The following DPY19L4 variants were observed in gnomAD, a reference collection of about 807,000 sequenced individuals.
The protein encoded by DPY19L4 is dpy-19 like 4.
In DPY19L4, 97 loss-of-function variants were observed where a neutral mutation model predicts 102.8. The observed-to-expected ratio is 0.94, with a 90% CI of 0.80 to 1.12. The LOEUF (loss-of-function observed/expected upper bound fraction) is 1.12, where lower values mean the gene tolerates loss of function less well. Among genes scored for constraint, DPY19L4 ranks in the 50% most tolerant of loss-of-function variants. The pLI is 0.00. For synonymous variants in DPY19L4, 252 were observed against 283.1 expected, an observed-to-expected ratio of 0.89 and a Z score of 1.10; for missense variants, 815 against 850.4, an observed-to-expected ratio of 0.96 and a Z score of 0.52.
intron 13 of DPY19L4, among the ~76,000 whole-genome samples, chr8:94,776,336 T>C (rs1281362094): frequency 1.3e-5 from 2 of 151,802 alleles, no homozygotes; most frequent in Non-Finnish European, 2.9e-5. Context: ...CATGGCCAGA[T>C]TTTTGTATTT....
At chr8:94,771,345 C>T (rs1349463237) in intron 13 of DPY19L4, among the ~76,000 whole-genome samples, 1 of 152,164 alleles carries the variant, frequency 6.6e-6, no homozygotes, top group African/African-American at 2.4e-5. Context: ...TTATAATGAA[C>T]TGACATTTAC....
intron 12 of DPY19L4, 82 bp downstream of exon 12, chr8:94,768,635 G>T (rs566983491): frequency 5.8e-6 from 5 of 857,006 alleles, no homozygotes; most frequent in Non-Finnish European, 8.1e-6. Context: ...ATTCTTCCAA[G>T]ATTTCTGTAT....
chr8:94,724,944 A>G (rs1371011066), intron 1 of DPY19L4, among the ~76,000 whole-genome samples: 1 of 152,196 alleles, frequency 6.6e-6, no homozygotes, highest in African/African-American at 2.4e-5. Flanking sequence ...TGACTACAGA[A>G]TAAATGGTAG....
chr8:94,747,982 G>A (rs189360691), intron 6 of DPY19L4, among the ~76,000 whole-genome samples: 1,594 of 152,274 alleles, frequency 0.01, 16 homozygotes, highest in Non-Finnish European at 0.018. Flanking sequence ...TTACTGTTTT[G>A]AACTGTTAGT....
intron 2 of DPY19L4, among the ~76,000 whole-genome samples, chr8:94,731,783 G>C (rs936499576): frequency 2.0e-5 from 3 of 151,556 alleles, no homozygotes; most frequent in Non-Finnish European, 4.4e-5. Context: ...ACGGAGTCTC[G>C]CTCTGTTGCC....
rs114440655 is a variant in DPY19L4, at chr8:94,766,067, T to A, written c.1101+258T>A. ...TACCCAGTTAACATTAAGCAATATA[T>A]GGAATAAAGTGAGACAAATGAAAAG... is the stretch of plus-strand genomic sequence containing the variant. On this transcript the variant is annotated intron_variant, in intron 10 of 18. Coordinates refer to ENST00000414645, the MANE Select transcript of DPY19L4 (RefSeq NM_181787.3). Among the ~76,000 whole-genome samples, 1,134 of 152,312 alleles carry A rather than the reference T, an allele frequency of 7.4e-3. 6 individuals carry two copies. Among genetic ancestry groups the A allele is most frequent in the African/African-American group, 0.022 (896 of 41,570 alleles).
At chr8:94,782,991 TG>T (rs1468484275) in intron 16 of DPY19L4, among the ~76,000 whole-genome samples, 2 of 152,240 alleles carry the variant, frequency 1.3e-5, no homozygotes, top group Admixed American at 6.5e-5. Flanking sequence ...TTGAGGACAG[TG>T]GCCATATATG....
rs1173708483 is a variant in DPY19L4 at position 94,792,707 on chromosome 8, T to C, written c.*2797T>C. Reference sequence around the variant, plus strand: ...CCGTCTCTACTGAAAATACAAAAAATTAGCCGGGCAGGGTGGCGGGCGCCT... The same window carrying C: ...CCGTCTCTACTGAAAATACAAAAAACTAGCCGGGCAGGGTGGCGGGCGCCT... On this transcript the variant is annotated 3_prime_UTR_variant, in exon 19 of 19. Coordinates refer to ENST00000414645, the MANE Select transcript of DPY19L4 (RefSeq NM_181787.3). The C allele has an allele frequency of 6.6e-6, 1 of 152,176 alleles. No individual in the cohort carries two copies. Among genetic ancestry groups the C allele is most frequent in the Non-Finnish European group, 1.5e-5 (1 of 68,180 alleles). The allele number at this position is 152,176 out of a possible 1,614,324, so 9.4% of individuals were successfully genotyped here.
At chr8:94,723,475 A>G (rs76166642) in intron 1 of DPY19L4, among the ~76,000 whole-genome samples, 1 of 148,388 alleles carries the variant, frequency 6.7e-6, no homozygotes, top group Admixed American at 6.8e-5. Flanking sequence ...CTCCGTCTCA[A>G]AAAAAAAAAA....
intron 17 of DPY19L4, among the ~76,000 whole-genome samples, chr8:94,785,367 C>T (rs1813610227): frequency 6.6e-6 from 1 of 152,142 alleles, no homozygotes; most frequent in Non-Finnish European, 1.5e-5. Flanking sequence ...TCGAACAATT[C>T]CGCCTACAAA....
At chr8:94,760,325 TG>T (rs1223748511) in intron 7 of DPY19L4, among the ~76,000 whole-genome samples, 1 of 152,308 alleles carries the variant, frequency 6.6e-6, no homozygotes, top group East Asian at 1.9e-4. Flanking sequence ...CTGATTTCTC[TG>T]GGGATGATGG....
At position 94,793,046 on chromosome 8, in the gene DPY19L4, G is replaced by C. The variant is rs1436270746; in HGVS notation, c.*3136G>C. 2 of 152,184 alleles carry C rather than the reference G, an allele frequency of 1.3e-5. No homozygotes were observed. Among genetic ancestry groups the C allele is most frequent in the Non-Finnish European group, 2.9e-5 (2 of 68,044 alleles). 9.4% of individuals were successfully genotyped at this position (152,184 alleles called of 1,614,324 possible). ...TTTCTGTTAGACTGGTAGAGTTTAA[G>C]AACCTAAGGAGTATGCATTGTACTT... On this transcript the variant is annotated 3_prime_UTR_variant, in exon 19 of 19. Transcript: ENST00000414645.
chr8:94,763,435 G>A (rs993009185), intron 8 of DPY19L4, among the ~76,000 whole-genome samples: 4 of 151,380 alleles, frequency 2.6e-5, no homozygotes, highest in Non-Finnish European at 5.9e-5. Flanking sequence ...CCGCCTCCCA[G>A]GCTCAAGCAA....
At chr8:94,754,875 G>A (rs1586364088) in intron 6 of DPY19L4, among the ~76,000 whole-genome samples, 1 of 152,116 alleles carries the variant, frequency 6.6e-6, no homozygotes, top group South Asian at 2.1e-4. Context: ...TGCAACCTCC[G>A]CCTCCCAGGT....
In DPY19L4 at chr8:94,791,551, G is replaced by A. The variant is rs1184931528; in HGVS notation, c.*1641G>A. 1 of 152,096 alleles carries A rather than the reference G, an allele frequency of 6.6e-6. No homozygotes were observed. Among genetic ancestry groups the A allele is most frequent in the African/African-American group, 2.4e-5 (1 of 41,422 alleles). The allele number at this position is 152,096 out of a possible 1,614,324, so 9.4% of individuals were successfully genotyped here. On this transcript the variant is annotated 3_prime_UTR_variant, in exon 19 of 19. Transcript: ENST00000414645. The stretch of plus-strand genomic sequence containing the variant: ...ACTAGTATTTTGCTTCAAGCCTTCT[G>A]AAAATATAACCATAGTTACCTAAGC...
intron 1 of DPY19L4, among the ~76,000 whole-genome samples, chr8:94,722,601 A>G (rs1810515678): frequency 2.0e-5 from 3 of 152,202 alleles, no homozygotes; most frequent in Admixed American, 2.0e-4. Context: ...ATAGTCAACA[A>G]TGAATGAGTA....
intron 2 of DPY19L4, among the ~76,000 whole-genome samples, chr8:94,733,164 C>T (rs1413968788): frequency 2.4e-5 from 3 of 123,428 alleles, no homozygotes; most frequent in African/African-American, 9.7e-5. Flanking sequence ...CTCGCTCTGT[C>T]GCCCAGGCTG....
At chr8:94,722,505 T>C (rs973004780) in intron 1 of DPY19L4, among the ~76,000 whole-genome samples, 2 of 152,218 alleles carry the variant, frequency 1.3e-5, no homozygotes, top group African/African-American at 4.8e-5. Flanking sequence ...ATTAATGGGT[T>C]GTAATTTATT....
chr8:94,747,194 C>A (rs1811712933), intron 6 of DPY19L4, among the ~76,000 whole-genome samples: 1 of 151,924 alleles, frequency 6.6e-6, no homozygotes, highest in Non-Finnish European at 1.5e-5. Flanking sequence ...TCTCTAGTAG[C>A]TGGATAACAG....
Sources: gnomAD v4.1 joint callset for allele counts (sites outside exome capture counted in the v4.1 genomes callset) on GRCh38, gnomAD v4.1.1 for gene constraint, MANE v1.5 for transcripts, NCBI Gene and HGNC (gene_info 2026-07-23, HGNC 2026-07-21) for gene names.